The following BCAN variants were observed in gnomAD, a reference collection of about 807,000 sequenced individuals.
BCAN encodes the protein brevican.
BCAN carries 51 observed loss-of-function variants against 92.4 expected under a neutral mutation model. The observed-to-expected ratio is 0.55, with a 90% confidence interval of 0.44 to 0.70. The LOEUF (loss-of-function observed/expected upper bound fraction) is 0.70, where lower values mean the gene tolerates loss of function less well. BCAN is among the 30% of genes least tolerant of loss of function. The probability of loss-of-function intolerance (pLI) is 0.00; values close to 1 mark genes in which losing one functional copy is unlikely to be tolerated. For missense variants in BCAN, 1,140 were observed against 1,212.1 expected, an observed-to-expected ratio of 0.94 and a Z score of 0.88; for synonymous variants, 501 against 505.2, an observed-to-expected ratio of 0.99 and a Z score of 0.11.
intron 8 of BCAN, chr1:156,653,096 T>C: frequency 7.0e-7 from 1 of 1,421,912 alleles, no homozygotes; most frequent in Non-Finnish European, 9.2e-7. Context: ...TCCGCGTCTT[T>C]ACCCTGTGAT....
At chr1:156,652,168 A>T in intron 7 of BCAN, 80 bp from the exon 8 acceptor site, 1 of 1,512,212 alleles carries the variant, frequency 6.6e-7, no homozygotes, top group Non-Finnish European at 8.8e-7. Context: ...CCTGAGCCCT[A>T]CTTTTCTCCC....
chr1:156,652,333 T>G lies in BCAN; in HGVS notation c.1383T>G (p.Asp461Glu). 1 of 1,613,660 alleles carries G rather than the reference T, an allele frequency of 6.2e-7. No individual in the cohort carries two copies. The highest frequency in any genetic ancestry group is 8.5e-7 in the Non-Finnish European group (1 of 1,179,830). The change falls in exon 8 of 14, where the codon GAT becomes GAG. Residue 461 changes from aspartate (D) to glutamate (E), a missense_variant. Asp to Glu is a conservative substitution (Grantham distance 45, BLOSUM62 2). Transcript: ENST00000329117. ...KALEEEEKYEDEEEKEEEEEE... is the reference protein window; with the variant it reads ...KALEEEEKYEEEEEKEEEEEE... ...TGGAGGAAGAAGAGAAATATGAAGA[T>G]GAAGAAGAGAAAGAGGAGGAAGAAG... is the stretch of plus-strand genomic sequence containing the variant.
chr1:156,649,427 G>T (rs1679089722), intron 6 of BCAN, among the ~76,000 whole-genome samples: 1 of 152,136 alleles, frequency 6.6e-6, no homozygotes, highest in Non-Finnish European at 1.5e-5. Context: ...TTTTGAGACA[G>T]GGTCTCACTC....
intron 2 of BCAN, 97 bp downstream of exon 2, chr1:156,646,242 G>T (rs944063876): frequency 5.0e-6 from 6 of 1,189,602 alleles, no homozygotes; most frequent in African/African-American, 3.1e-5. Flanking sequence ...GAATTGGAGG[G>T]CTGTGGGGAA....
At position 156,648,772 on chromosome 1, in the gene BCAN, G is replaced by A; in HGVS notation, c.974G>A (p.Gly325Asp). Residue 325 changes from glycine to aspartate, a missense_variant, in exon 6 of 14, where the codon GGC becomes GAC. By Grantham distance (94) the Gly-to-Asp change is moderately conservative. Coordinates refer to ENST00000329117, the MANE Select transcript of BCAN (RefSeq NM_021948.5). Reference protein sequence around the residue: ...IVTPSQRCGGGLPGVKTLFLF... With the variant: ...IVTPSQRCGGDLPGVKTLFLF... ...ACACCCAGCCAGCGCTGTGGTGGGG[G>A]CTTGCCTGGTGTCAAGACTCTCTTC... The A allele has an allele frequency of 6.2e-7, 1 of 1,609,062 alleles. No homozygotes were observed. The highest frequency in any genetic ancestry group is 8.5e-7 in the Non-Finnish European group (1 of 1,175,888).
At chr1:156,651,421 T>C in intron 6 of BCAN, 35 bp from the exon 7 acceptor site, 1 of 1,568,462 alleles carries the variant, frequency 6.4e-7, no homozygotes. Context: ...GAGCTACCTA[T>C]TCAGGCTCGC....
At position 156,658,693 on chromosome 1, in the gene BCAN, G is replaced by T; in HGVS notation, c.2588G>T (p.Arg863Leu). The change falls in exon 13 of 14, where the codon CGT becomes CTT. Residue 863 changes from arginine to leucine, a missense_variant. This residue lies in a region of BCAN where 825 missense variants were observed against 871.8 expected (regional missense o/e 0.95). Transcript: ENST00000329117. The surrounding 1 kb of genome is among the most constrained non-coding windows in gnomAD (Gnocchi z 4.4). ...CTGATCCGATGCCAAGAGAACGGTCGTTGGGAGGCCCCCCAGATCTCCTGT... is the reference window on the plus strand; with the variant it reads ...CTGATCCGATGCCAAGAGAACGGTCTTTGGGAGGCCCCCCAGATCTCCTGT... ...LPLIRCQENG[R>L]WEAPQISCVP... 2 of 1,614,130 alleles carry T rather than the reference G, an allele frequency of 1.2e-6. No homozygotes were observed. The highest frequency in any genetic ancestry group is 2.2e-5 in the East Asian group (1 of 44,882).
At position 156,647,677 on chromosome 1, in the gene BCAN, C is replaced by A; in HGVS notation, c.636C>A (p.Thr212=). 1 of 1,587,914 alleles carries A rather than the reference C, an allele frequency of 6.3e-7. No homozygotes were observed. The highest frequency in any genetic ancestry group is 8.6e-7 in the Non-Finnish European group (1 of 1,165,906). Residue 212 remains threonine, a synonymous_variant, in exon 4 of 14, where the codon ACC becomes ACA. Coordinates refer to ENST00000329117, the MANE Select transcript of BCAN (RefSeq NM_021948.5). This position sits in a 1 kb window ranked among gnomAD's most constrained non-coding sequence, Gnocchi z 4.8. ...ATGCTGGCTGGCTGTCGGATCAGACCGTGAGGTGGGCAGGGGCTGTGGATT... is the reference window on the plus strand; with the variant it reads ...ATGCTGGCTGGCTGTCGGATCAGACAGTGAGGTGGGCAGGGGCTGTGGATT... ...QCDAGWLSDQ[T]VRYPIQTPRE...
At chr1:156,643,536 T>A (rs1678857479) in intron 1 of BCAN, 2 of 151,954 alleles carry the variant, frequency 1.3e-5, no homozygotes, top group Admixed American at 1.3e-4. Context: ...GGGACAGACC[T>A]TGGCTGCCGG....
At chr1:156,646,655 GGC>G (rs879278910) in intron 2 of BCAN, 144 bp from the exon 3 acceptor site, 108,205 of 788,614 alleles carry the variant, frequency 0.14, 4,910 homozygotes, top group Admixed American at 0.17. Flanking sequence ...GCAGGACCCT[GGC>G]CCCTGGCCCC....
rs1679016193 is a variant in BCAN at position 156,647,242 on chromosome 1, G to T, written c.466+67G>T. 2.7e-6 allele frequency: 4 copies of T among 1,459,668 alleles called. No individual in the cohort carries two copies. The highest frequency in any genetic ancestry group is 2.8e-5 in the African/African-American group (2 of 70,196). The allele number at this position is 1,459,668 out of a possible 1,614,324, so 90.4% of individuals were successfully genotyped here. A position where few individuals can be genotyped will look rare whatever the true frequency, so the allele number is the denominator to read the frequency against. ...GGAAGGGAGGACTCTTGCCTTCGGG[G>T]ATCCCACAGTGTGAGAGGGAAGCAA... On this transcript the variant is annotated intron_variant, in intron 3 of 13. Transcript: ENST00000329117. The surrounding 1 kb of genome is among the most constrained non-coding windows in gnomAD (Gnocchi z 4.8).
Position 156,659,070 on chromosome 1 carries a change from G to A in BCAN, c.2672G>A (p.Gly891Glu). Residue 891 changes from glycine to glutamate, a missense_variant, in exon 14 of 14, where the codon GGG becomes GAG. Transcript: ENST00000329117. ...GAGGAGGACCCAGAAGGACGTCAGG[G>A]GAGGCTACTGGGACGCTGGAAGGCG... ...HPEEDPEGRQ[G>E]RLLGRWKALL... 1 of 1,601,212 alleles carries A rather than the reference G, an allele frequency of 6.2e-7. No homozygotes were observed. The highest frequency in any genetic ancestry group is 8.5e-7 in the Non-Finnish European group (1 of 1,175,362).
At chr1:156,651,785 G>T in intron 7 of BCAN, 96 bp downstream of exon 7, 1 of 1,111,198 alleles carries the variant, frequency 9.0e-7, no homozygotes, top group Admixed American at 2.2e-5. Context: ...TGGATGACAT[G>T]ACTCTGCCCT....
At chr1:156,651,409 C>A in intron 6 of BCAN, 47 bp from the exon 7 acceptor site, 2 of 1,509,958 alleles carry the variant, frequency 1.3e-6, no homozygotes, top group Non-Finnish European at 9.1e-7. Context: ...CCTGGGAGGG[C>A]AGAGCTACCT....
rs779367343 is a variant in BCAN, at chr1:156,648,064, C to T, written c.723C>T (p.Asp241=). 3 of 1,613,844 alleles carry T rather than the reference C, an allele frequency of 1.9e-6. No homozygotes were observed. The highest frequency in any genetic ancestry group is 2.5e-6 in the Non-Finnish European group (3 of 1,179,956). Residue 241 remains aspartate (D), a synonymous_variant, in exon 5 of 14, where the codon GAC becomes GAT. Coordinates refer to ENST00000329117, the MANE Select transcript of BCAN (RefSeq NM_021948.5). ...GGGTCCGGAACTATGGTGTGGTGGA[C>T]CCGGATGACCTCTATGATGTGTACT... is the stretch of plus-strand genomic sequence containing the variant. The part of the protein sequence containing the change: ...FPGVRNYGVV[D]PDDLYDVYCY...
Position 156,657,614 on chromosome 1 carries a change from G to A in BCAN, c.2210-61G>A, listed in dbSNP as rs557700048. 1.0e-5 allele frequency: 15 copies of A among 1,439,450 alleles called. No homozygotes were observed. In the East Asian group the frequency reaches 3.6e-4, roughly 34 times the overall value. 89.2% of individuals were successfully genotyped at this position (1,439,450 alleles called of 1,614,324 possible). On this transcript the variant is annotated intron_variant, in intron 10 of 13. Coordinates refer to ENST00000329117, the MANE Select transcript of BCAN (RefSeq NM_021948.5). ...AAGGCAGTCACCGCAGACCGCCCGG[G>A]AGCGGGGAACGGCCGCCATCTGCTG...
At chr1:156,651,367 G>T (rs1679157469) in intron 6 of BCAN, 89 bp from the exon 7 acceptor site, 1 of 1,204,082 alleles carries the variant, frequency 8.3e-7, no homozygotes, top group Non-Finnish European at 1.2e-6. Context: ...AGATGTGAGA[G>T]AATTGAGAGA....
At chr1:156,651,863 G>A (rs1679176209) in intron 7 of BCAN, among the ~76,000 whole-genome samples, 174 bp downstream of exon 7, 1 of 152,004 alleles carries the variant, frequency 6.6e-6, no homozygotes, top group South Asian at 2.1e-4. Flanking sequence ...TGCTTTTCCA[G>A]TAAATTCCAC....
In BCAN at chr1:156,648,691, T is replaced by C; in HGVS notation, c.893T>C (p.Leu298Pro). The C allele has an allele frequency of 6.2e-7, 1 of 1,613,760 alleles. No homozygotes were observed. Among genetic ancestry groups the C allele is most frequent in the Non-Finnish European group, 8.5e-7 (1 of 1,179,682 alleles). ...CTGTATGCAGCCTGGGATGGTGGCCTGGACCACTGCAGCCCAGGGTGGCTA... is the reference window on the plus strand; with the variant it reads ...CTGTATGCAGCCTGGGATGGTGGCCCGGACCACTGCAGCCCAGGGTGGCTA... ...GQLYAAWDGG[L>P]DHCSPGWLAD... is the part of the protein sequence containing the mutation. Residue 298 changes from leucine (L) to proline (P), a missense_variant, in exon 6 of 14, where the codon CTG (leucine) becomes CCG (proline). This residue lies in a region of BCAN where 825 missense variants were observed against 871.8 expected (regional missense o/e 0.95). Coordinates refer to ENST00000329117, the MANE Select transcript of BCAN (RefSeq NM_021948.5).
Sources: gnomAD v4.1 joint callset for allele counts (sites outside exome capture counted in the v4.1 genomes callset) on GRCh38, gnomAD v4.1.1 for gene constraint, gnomAD v4.1.1 regional missense constraint, Gnocchi (gnomAD v3.1) non-coding constraint, MANE v1.5 for transcripts, NCBI Gene and HGNC (gene_info 2026-07-23, HGNC 2026-07-21) for gene names.